The following RUNX3 variants were observed in gnomAD, a reference collection of about 807,000 sequenced individuals.
The protein encoded by RUNX3 is RUNX family transcription factor 3, also known as runt-related transcription factor 3.
RUNX3 carries 10 observed loss-of-function variants against 27.7 expected under a neutral mutation model. That is an observed-to-expected ratio of 0.36 (90% CI 0.22 to 0.61). The LOEUF is 0.61. Ranked by LOEUF, RUNX3 falls within the 20% of genes least tolerant of loss-of-function variation. The pLI is 0.72. For synonymous variants in RUNX3, 270 were observed against 269.2 expected (o/e 1.00, Z -0.03); for missense variants, 469 against 629.5 (o/e 0.75, Z 2.73).
chr1:24,902,206 C>A lies in RUNX3; in HGVS notation c.1164G>T (p.Val388=). 6.4e-7 allele frequency: 1 copy of A among 1,570,480 alleles called. No homozygotes were observed. Among genetic ancestry groups the A allele is most frequent in the East Asian group, 2.3e-5 (1 of 43,268 alleles). Residue 388 remains valine, a synonymous_variant, in exon 5 of 5, where the codon GTG becomes GTT. Transcript: ENST00000308873. The surrounding 1 kb of genome is among the most constrained non-coding windows in gnomAD (Gnocchi z 9.2). ...AGTTGCTGTGGCTGCCGTCGGCCTC[C>A]ACGCCATCACTCTGGCCGCCCAGGC... ...NPSLGGQSDG[V]EADGSHSNSP... is the part of the protein sequence containing the mutation.
At chr1:24,944,258 C>A (rs1207925540) in intron 2 of RUNX3, among the ~76,000 whole-genome samples, 4 of 152,072 alleles carry the variant, frequency 2.6e-5, no homozygotes, top group Non-Finnish European at 5.9e-5. Context: ...CCACTCTGCC[C>A]CTCCCTCACC....
rs543592819 is a variant in RUNX3 at position 24,918,924 on chromosome 1, C to T, written c.544+316G>A. Reference sequence around the variant, plus strand: ...GCAGAGTAAAGCAAGCCTGGCTCAACCTCCACCCAGAAACACACAAGCACC... The same window carrying T: ...GCAGAGTAAAGCAAGCCTGGCTCAATCTCCACCCAGAAACACACAAGCACC... On this transcript the variant is annotated intron_variant, in intron 3 of 4. Transcript: ENST00000308873. 7.2e-5 allele frequency among the ~76,000 whole-genome samples: 11 copies of T among 152,356 alleles called. No individual in the cohort carries two copies. In the South Asian group the frequency reaches 2.3e-3, roughly 32 times the overall value.
intron 2 of RUNX3, among the ~76,000 whole-genome samples, chr1:24,938,372 G>A (rs1021491309): frequency 5.3e-5 from 8 of 152,284 alleles, no homozygotes; most frequent in African/African-American, 1.7e-4. Flanking sequence ...CGAGGCCCAG[G>A]AAGGATCAGA....
chr1:24,919,214 G>T, intron 3 of RUNX3, 26 bp downstream of exon 3: 2 of 1,452,820 alleles, frequency 1.4e-6, no homozygotes, highest in Non-Finnish European at 1.9e-6. Context: ...CCCGCGCAGG[G>T]GCTCAGGGGG....
At chr1:24,920,903 A>G (rs1361272229) in intron 2 of RUNX3, among the ~76,000 whole-genome samples, 1 of 152,048 alleles carries the variant, frequency 6.6e-6, no homozygotes, top group Non-Finnish European at 1.5e-5. Context: ...CCTATTCTCT[A>G]TTACGATCCA....
chr1:24,955,459 T>G (rs1025889424), intron 2 of RUNX3, among the ~76,000 whole-genome samples: 2 of 152,190 alleles, frequency 1.3e-5, no homozygotes, highest in African/African-American at 2.4e-5. Context: ...GAGGTGGTGA[T>G]GCCCAGCACA....
At chr1:24,928,373 T>C (rs567218101) in intron 1 of RUNX3, among the ~76,000 whole-genome samples, 14 of 152,248 alleles carry the variant, frequency 9.2e-5, no homozygotes, top group African/African-American at 3.4e-4. Flanking sequence ...CTGCCGGGAA[T>C]TGCAGGATGG....
intron 2 of RUNX3, among the ~76,000 whole-genome samples, chr1:24,944,831 C>T (rs1641564920): frequency 6.6e-6 from 1 of 152,190 alleles, no homozygotes; most frequent in African/African-American, 2.4e-5. Flanking sequence ...AGGAACACAG[C>T]CCTGCCCTGA....
upstream of RUNX3, among the ~76,000 whole-genome samples, chr1:24,930,457 G>C (rs1028389113): frequency 6.6e-5 from 10 of 151,682 alleles, no homozygotes; most frequent in African/African-American, 2.4e-4. This position sits in a 1 kb window ranked among gnomAD's most constrained non-coding sequence, Gnocchi z 4.1. Flanking sequence ...GCGCCACCCC[G>C]CGGAGGAGGC....
Position 24,943,236 on chromosome 1 carries a change from C to T in RUNX3, c.59-13384G>A, listed in dbSNP as rs1263147903. On this transcript the variant is annotated intron_variant, in intron 2 of 6. Transcript: ENST00000338888. The surrounding 1 kb of genome is among the most constrained non-coding windows in gnomAD (Gnocchi z 4.6). ...CATGCCACCCAGCACGTGGGGGAGGCCAGGGCTTTGGGAGCATGCTGGCAG... is the reference window on the plus strand; with the variant it reads ...CATGCCACCCAGCACGTGGGGGAGGTCAGGGCTTTGGGAGCATGCTGGCAG... Among the ~76,000 whole-genome samples, 3 of 152,172 alleles carry T rather than the reference C, an allele frequency of 2.0e-5. No homozygotes were observed. Among genetic ancestry groups the T allele is most frequent in the Non-Finnish European group, 4.4e-5 (3 of 68,004 alleles).
At chr1:24,918,735 A>T (rs1640937115) in intron 3 of RUNX3, among the ~76,000 whole-genome samples, 1 of 152,190 alleles carries the variant, frequency 6.6e-6, no homozygotes, top group African/African-American at 2.4e-5. Flanking sequence ...CCCTGCTCAT[A>T]GGGTCTGGGT....
chr1:24,902,697 A>T lies in RUNX3; in HGVS notation c.704-31T>A. The T allele has an allele frequency of 6.7e-7, 1 of 1,495,242 alleles. No homozygotes were observed. The highest frequency in any genetic ancestry group is 8.9e-7 in the Non-Finnish European group (1 of 1,118,798). The allele number at this position is 1,495,242 out of a possible 1,614,324, so 92.6% of individuals were successfully genotyped here. ...GGACAGCAGGGAAGAGGTCAGTTCC[A>T]GCTCGAGACAACCCCAGGAGGGCTT... On this transcript the variant is annotated intron_variant, in intron 4 of 4. Transcript: ENST00000308873. This position sits in a 1 kb window ranked among gnomAD's most constrained non-coding sequence, Gnocchi z 9.2.
Position 24,929,637 on chromosome 1 carries a change from C to A in RUNX3, c.232G>T (p.Val78Leu), listed in dbSNP as rs1313544148. 5 of 1,608,694 alleles carry A rather than the reference C, an allele frequency of 3.1e-6. No individual in the cohort carries two copies. Among genetic ancestry groups the A allele is most frequent in the Non-Finnish European group, 3.4e-6 (4 of 1,179,102 alleles). The stretch of plus-strand genomic sequence containing the variant: ...TTGCAGCGCCAGTGCGAGGGCAGCA[C>A]GGAGCAGAGGAAGTTGGGGCTGTCG... ...RTDSPNFLCS[V>L]LPSHWRCNKT... The change falls in exon 1 of 5, where the codon GTG (valine) becomes TTG (leucine). Residue 78 changes from valine to leucine, a missense_variant. Val to Leu is a conservative substitution (Grantham distance 32, BLOSUM62 1). Coordinates refer to ENST00000308873, the MANE Select transcript of RUNX3 (RefSeq NM_004350.3).
At chr1:24,918,477 G>C (rs758228023) in intron 3 of RUNX3, among the ~76,000 whole-genome samples, 1 of 152,178 alleles carries the variant, frequency 6.6e-6, no homozygotes, top group Non-Finnish European at 1.5e-5. Flanking sequence ...ACATTTCTGA[G>C]AAAGAGAGGG....
At position 24,957,570 on chromosome 1, in the gene RUNX3, A is replaced by G. The variant is rs372075027; in HGVS notation, c.58+6944T>C. ...GGGAAGGCTCCCCAAGGGGGCGGCC[A>G]TGAAGCTGGGCCTTGAGAAGACAGG... On this transcript the variant is annotated intron_variant, in intron 2 of 6. Transcript: ENST00000338888. Among the ~76,000 whole-genome samples the G allele has an allele frequency of 2.1e-3, 323 of 152,354 alleles. 2 individuals carry two copies. The highest frequency in any genetic ancestry group is 7.3e-3 in the African/African-American group (303 of 41,582).
upstream of RUNX3, among the ~76,000 whole-genome samples, chr1:24,931,715 C>G (rs980840630): frequency 3.3e-5 from 5 of 152,164 alleles, no homozygotes; most frequent in East Asian, 3.9e-4. Flanking sequence ...CGTTGCCAAA[C>G]GAAATCAAGC....
chr1:24,915,040 C>T (rs573972477), intron 3 of RUNX3, among the ~76,000 whole-genome samples: 1 of 152,360 alleles, frequency 6.6e-6, no homozygotes, highest in Non-Finnish European at 1.5e-5. Flanking sequence ...ATTTATGGAG[C>T]AGCTGTGAAG....
At chr1:24,905,218 A>C (rs1048446988) in intron 4 of RUNX3, among the ~76,000 whole-genome samples, 1 of 152,160 alleles carries the variant, frequency 6.6e-6, no homozygotes, top group Admixed American at 6.5e-5. Flanking sequence ...GTGACTTCCC[A>C]AGCCTAGGTC....
intron 4 of RUNX3, 67 bp downstream of exon 4, chr1:24,907,192 G>C (rs1640680178): frequency 6.6e-7 from 1 of 1,525,056 alleles, no homozygotes; most frequent in Non-Finnish European, 8.9e-7. Flanking sequence ...GTCTGGGGCA[G>C]ATTGGACCAC....
Sources: gnomAD v4.1 joint callset for allele counts (sites outside exome capture counted in the v4.1 genomes callset) on GRCh38, gnomAD v4.1.1 for gene constraint, Gnocchi (gnomAD v3.1) non-coding constraint, MANE v1.5 for transcripts, NCBI Gene and HGNC (gene_info 2026-07-23, HGNC 2026-07-21) for gene names.